The following SLC68A1 variants were observed in gnomAD, a reference collection of about 807,000 sequenced individuals.
SLC68A1 encodes solute carrier family 68 member 1.
the SLC68A1 span, among the ~76,000 whole-genome samples, chr10:102,464,382 C>T: frequency 2.6e-5 from 4 of 151,584 alleles, no homozygotes; most frequent in Non-Finnish European, 4.4e-5. Context: ...ACCTGGGAGG[C>T]GGAGGTTGCA....
the SLC68A1 span, chr10:102,475,599 A>C: frequency 8.8e-7 from 1 of 1,137,434 alleles, no homozygotes; most frequent in Non-Finnish European, 1.2e-6. Context: ...GTTTGGAGGA[A>C]TCAGGAGTTG....
At chr10:102,469,554 T>G in the SLC68A1 span, among the ~76,000 whole-genome samples, 1 of 150,640 alleles carries the variant, frequency 6.6e-6, no homozygotes, top group African/African-American at 2.4e-5. Context: ...GTTTTTTTGT[T>G]TTTTTTTTTG....
chr10:102,469,250 G>A, the SLC68A1 span: 1 of 1,593,340 alleles, frequency 6.3e-7, no homozygotes, highest in Non-Finnish European at 8.6e-7. Flanking sequence ...GTGGAGACTA[G>A]AGGCTGCCCA....
At chr10:102,473,651 G>A in the SLC68A1 span, 84 of 1,613,820 alleles carry the variant, frequency 5.2e-5, 1 homozygote, top group South Asian at 6.0e-4. Context: ...GCGGTGGTGC[G>A]GGGGCTCTTC....
chr10:102,464,250 A>G, the SLC68A1 span, among the ~76,000 whole-genome samples: 1 of 152,176 alleles, frequency 6.6e-6, no homozygotes, highest in African/African-American at 2.4e-5. Flanking sequence ...CAGGAGTTCA[A>G]GACCAGCCTG....
chr10:102,463,841 T>A, the SLC68A1 span, among the ~76,000 whole-genome samples: 1 of 152,122 alleles, frequency 6.6e-6, no homozygotes, highest in South Asian at 2.1e-4. Context: ...GGCTGAGGAA[T>A]AGTATATAGT....
chr10:102,471,828 G>T, the SLC68A1 span, among the ~76,000 whole-genome samples: 2 of 151,978 alleles, frequency 1.3e-5, no homozygotes, highest in Admixed American at 1.3e-4. Flanking sequence ...GCAATTCGAT[G>T]GCAGGAATGC....
At chr10:102,471,995 T>C in the SLC68A1 span, 1 of 455,678 alleles carries the variant, frequency 2.2e-6, no homozygotes, top group Non-Finnish European at 4.4e-6. Context: ...CCTCTAACAA[T>C]CTTTTTAAGA....
chr10:102,473,716 A>AGCCTGCTGT, the SLC68A1 span: 1 of 1,613,868 alleles, frequency 6.2e-7, no homozygotes, highest in Non-Finnish European at 8.5e-7. Context: ...GGACCACCTC[A>AGCCTGCTGT]GCCTGCTGTG....
the SLC68A1 span, chr10:102,465,959 GTA>G: frequency 6.6e-6 from 1 of 152,322 alleles, no homozygotes; most frequent in Admixed American, 6.5e-5. Flanking sequence ...CTCAAACATT[GTA>G]TGTGTTCCTG....
the SLC68A1 span, chr10:102,468,542 C>G: frequency 6.6e-6 from 1 of 152,352 alleles, no homozygotes; most frequent in East Asian, 1.9e-4. Flanking sequence ...CGGCGGGTGC[C>G]TGTGGTCCCA....
the SLC68A1 span, chr10:102,470,128 C>G: frequency 3.3e-6 from 5 of 1,508,968 alleles, no homozygotes; most frequent in Non-Finnish European, 3.7e-6. Flanking sequence ...CTACTGCTAC[C>G]CAGGAGGGAG....
chr10:102,470,660 G>A, the SLC68A1 span: 48 of 1,603,258 alleles, frequency 3.0e-5, no homozygotes, highest in Middle Eastern at 4.2e-4. Flanking sequence ...TCCTTTCCCC[G>A]GCAGGTCAGG....
the SLC68A1 span, chr10:102,473,635 G>A: frequency 5.6e-6 from 9 of 1,614,088 alleles, no homozygotes; most frequent in East Asian, 2.2e-5. Context: ...GCGCTGGGGC[G>A]TCTACGCGGT....
the SLC68A1 span, chr10:102,471,873 C>T: frequency 1.5e-5 from 5 of 336,356 alleles, no homozygotes; most frequent in East Asian, 9.0e-5. Flanking sequence ...ATTCTAGCTC[C>T]CTCTGAGCTT....
chr10:102,467,724 T>C, the SLC68A1 span, among the ~76,000 whole-genome samples: 1 of 152,166 alleles, frequency 6.6e-6, no homozygotes, highest in African/African-American at 2.4e-5. Context: ...TGGCGCAATC[T>C]TGGCTCACTG....
At chr10:102,469,739 G>T in the SLC68A1 span, 6 of 534,278 alleles carry the variant, frequency 1.1e-5, no homozygotes, top group Non-Finnish European at 1.4e-5. Context: ...TAGAGACGGG[G>T]TTTCGCCATG....
chr10:102,470,902 C>T, the SLC68A1 span: 1 of 1,613,332 alleles, frequency 6.2e-7, no homozygotes, highest in Non-Finnish European at 8.5e-7. Context: ...CCCACCTCAA[C>T]TTCTACTGCT....
chr10:102,476,051 GGTTTT>G, the SLC68A1 span: 1 of 596,432 alleles, frequency 1.7e-6, no homozygotes, highest in Non-Finnish European at 2.2e-6. Flanking sequence ...AGTTTTTTTT[GGTTTT>G]TTTTTTAAGG....
Sources: gnomAD v4.1 joint callset for allele counts (sites outside exome capture counted in the v4.1 genomes callset) on GRCh38, gnomAD v4.1.1 for gene constraint, MANE v1.5 for transcripts, NCBI Gene and HGNC (gene_info 2026-07-23, HGNC 2026-07-21) for gene names.